Variants in RARB observed in about 807,000 individuals in gnomAD.
The protein encoded by RARB is retinoic acid receptor beta, also known as HBV-activated protein.
In RARB, 17 loss-of-function variants were observed where a neutral mutation model predicts 51.9. The observed-to-expected ratio is 0.33, with a 90% CI of 0.22 to 0.49. The LOEUF is 0.49. Ranked by LOEUF, RARB falls within the 20% of genes least tolerant of loss-of-function variation. The pLI is 0.99. For missense variants in RARB, 369 were observed against 550.8 expected (o/e 0.67, Z 3.30); for synonymous variants, 215 against 195.4 (o/e 1.10, Z -0.84).
intron 3 of RARB, among the ~76,000 whole-genome samples, chr3:25,567,981 GCTT>G (rs1700566687): frequency 6.6e-6 from 1 of 152,042 alleles, no homozygotes; most frequent in African/African-American, 2.4e-5. Context: ...TTGCCCGCCG[GCTT>G]CTTTGCATTC....
At chr3:24,884,265 T>A (rs1370146630) in intron 2 of RARB, among the ~76,000 whole-genome samples, 1 of 152,178 alleles carries the variant, frequency 6.6e-6, no homozygotes, top group Non-Finnish European at 1.5e-5. Flanking sequence ...TCTGTGAAAC[T>A]GTTGATTCTC....
At chr3:25,448,446 T>C (rs897018749) in intron 1 of RARB, among the ~76,000 whole-genome samples, 2 of 152,194 alleles carry the variant, frequency 1.3e-5, no homozygotes, top group Non-Finnish European at 2.9e-5. Context: ...AACAGTTCTA[T>C]ATAGAAACTT....
rs112494268 is a variant in RARB at position 25,083,212 on chromosome 3, G to T, written c.-328+23036G>T. ...AAATGTATTCTGATATAATTTTATG[G>T]AAGATTACTGATTATTTTTTGCTCA... On this transcript the variant is annotated intron_variant, in intron 3 of 11. Transcript: ENST00000383772. Among the ~76,000 whole-genome samples the T allele has an allele frequency of 9.4e-3, 1,428 of 151,862 alleles. 31 individuals are homozygous for T. The highest frequency in any genetic ancestry group is 0.033 in the African/African-American group (1,360 of 41,362).
chr3:24,853,263 G>A (rs564015435), intron 1 of RARB, among the ~76,000 whole-genome samples: 25 of 152,062 alleles, frequency 1.6e-4, no homozygotes, highest in Non-Finnish European at 3.5e-4. Context: ...CTTGCAGTGA[G>A]CCCAGATCGC....
intron 5 of RARB, among the ~76,000 whole-genome samples, chr3:25,287,429 A>T (rs533047265): frequency 6.6e-6 from 1 of 152,304 alleles, no homozygotes; most frequent in East Asian, 1.9e-4. Context: ...TCAAAACTAA[A>T]TAACCTCTCA....
chr3:25,196,795 T>G (rs1404191094), intron 5 of RARB, among the ~76,000 whole-genome samples: 2 of 152,198 alleles, frequency 1.3e-5, no homozygotes, highest in Non-Finnish European at 2.9e-5. Flanking sequence ...CATTGTGGTT[T>G]TGATTTGCAT....
chr3:25,339,289 C>T (rs149160524), intron 5 of RARB, among the ~76,000 whole-genome samples: 105 of 152,314 alleles, frequency 6.9e-4, no homozygotes, highest in African/African-American at 1.2e-3. Flanking sequence ...AGTATAACAA[C>T]TGGAAGTGTA....
At chr3:25,005,879 G>A (rs1196994033) in intron 2 of RARB, among the ~76,000 whole-genome samples, 1 of 152,068 alleles carries the variant, frequency 6.6e-6, no homozygotes, top group Admixed American at 6.6e-5. Context: ...AAGAGTCAAA[G>A]TCCTAGGAGA....
intron 5 of RARB, among the ~76,000 whole-genome samples, chr3:25,393,150 G>T (rs1707019173): frequency 1.3e-5 from 2 of 152,036 alleles, no homozygotes. Flanking sequence ...AGATGACCAT[G>T]TCATTGTTGT....
At chr3:25,029,717 CATA>C (rs1375577248) in intron 2 of RARB, among the ~76,000 whole-genome samples, 1 of 152,134 alleles carries the variant, frequency 6.6e-6, no homozygotes, top group African/African-American at 2.4e-5. Flanking sequence ...GGTGTGAGTC[CATA>C]AAGTAGTGAA....
intron 2 of RARB, among the ~76,000 whole-genome samples, chr3:25,023,852 A>G (rs1035001546): frequency 9.2e-5 from 14 of 152,224 alleles, no homozygotes; most frequent in Non-Finnish European, 1.8e-4. Context: ...AAAGTAATAC[A>G]TGCAGAAATA....
chr3:25,450,215 T>C (rs767486364), intron 1 of RARB, among the ~76,000 whole-genome samples: 6 of 152,358 alleles, frequency 3.9e-5, no homozygotes, highest in Non-Finnish European at 7.3e-5. Context: ...ATGGTTCTGT[T>C]GTTTTCTGTG....
intron 1 of RARB, among the ~76,000 whole-genome samples, chr3:24,844,654 C>A (rs1245556697): frequency 1.3e-5 from 2 of 152,174 alleles, no homozygotes; most frequent in Non-Finnish European, 2.9e-5. Flanking sequence ...TGACCTTGGG[C>A]AAATCAAATA....
intron 2 of RARB, among the ~76,000 whole-genome samples, chr3:24,889,535 C>T (rs1393751073): frequency 2.6e-5 from 4 of 152,104 alleles, no homozygotes; most frequent in Non-Finnish European, 5.9e-5. Flanking sequence ...ATATGGTACA[C>T]ATCTTTGCCA....
chr3:25,148,671 C>T (rs910446145), intron 4 of RARB, among the ~76,000 whole-genome samples: 2 of 152,202 alleles, frequency 1.3e-5, no homozygotes, highest in African/African-American at 4.8e-5. Context: ...AAGCATATCT[C>T]ATAGCTCTGT....
chr3:25,010,791 C>T (rs903032982), intron 2 of RARB, among the ~76,000 whole-genome samples: 2 of 152,112 alleles, frequency 1.3e-5, no homozygotes, highest in Non-Finnish European at 2.9e-5. Flanking sequence ...CCCGATCCTT[C>T]TTTGGTCAGA....
intron 1 of RARB, among the ~76,000 whole-genome samples, chr3:24,856,280 G>C (rs1702634942): frequency 6.6e-6 from 1 of 152,106 alleles, no homozygotes; most frequent in African/African-American, 2.4e-5. Flanking sequence ...TATAGTGAGG[G>C]TTTTGTCACT....
intron 2 of RARB, among the ~76,000 whole-genome samples, chr3:24,897,315 T>C (rs1478783796): frequency 6.6e-6 from 1 of 151,978 alleles, no homozygotes; most frequent in African/African-American, 2.4e-5. Context: ...GGGGTGATTT[T>C]CGCAGCTCAA....
At chr3:24,873,144 C>T (rs564295341) in intron 2 of RARB, among the ~76,000 whole-genome samples, 2 of 152,332 alleles carry the variant, frequency 1.3e-5, no homozygotes, top group South Asian at 4.1e-4. Context: ...GGCCCATGCC[C>T]TGTGCTAATT....
Sources: allele counts gnomAD v4.1 joint callset (sites outside exome capture counted in the v4.1 genomes callset), GRCh38; gene constraint gnomAD v4.1.1; transcripts MANE v1.5; gene names NCBI Gene and HGNC (gene_info 2026-07-23, HGNC 2026-07-21).